The following TMCC1 variants were observed in gnomAD, a reference collection of about 807,000 sequenced individuals.
TMCC1 encodes transmembrane and coiled-coil domains protein 1.
In TMCC1, 15 loss-of-function variants were observed where a neutral mutation model predicts 52.4. The ratio of observed to expected loss-of-function variants is 0.29; its 90% CI spans 0.19 to 0.44. The LOEUF (loss-of-function observed/expected upper bound fraction) is 0.44. TMCC1 is among the 20% of genes least tolerant of loss of function. The pLI is 1.00. For missense variants in TMCC1, 503 were observed against 806.0 expected (o/e 0.62, Z 4.55); for synonymous variants, 279 against 301.9 (o/e 0.92, Z 0.79).
At chr3:129,892,142 C>T (rs2061996218) in intron 1 of TMCC1, among the ~76,000 whole-genome samples, 1 of 152,150 alleles carries the variant, frequency 6.6e-6, no homozygotes, top group Non-Finnish European at 1.5e-5. Context: ...ATAATTATAA[C>T]AGTTCTACAT....
intron 4 of TMCC1, among the ~76,000 whole-genome samples, chr3:129,755,585 G>C (rs1045985907): frequency 2.0e-5 from 3 of 152,090 alleles, no homozygotes; most frequent in African/African-American, 7.2e-5. Context: ...ATGGGCAAAA[G>C]ATCTGAAGAC....
chr3:129,870,362 G>A (rs1177336871), intron 2 of TMCC1, among the ~76,000 whole-genome samples: 1 of 151,962 alleles, frequency 6.6e-6, no homozygotes, highest in African/African-American at 2.4e-5. Context: ...TACAACTTCT[G>A]AATATATTTG....
chr3:129,706,656 C>G (rs1465134895), intron 4 of TMCC1, among the ~76,000 whole-genome samples: 1 of 152,174 alleles, frequency 6.6e-6, no homozygotes, highest in Non-Finnish European at 1.5e-5. Flanking sequence ...CAGGAAACTC[C>G]TAAACTTTTA....
At chr3:129,731,233 T>C (rs546230015) in intron 4 of TMCC1, among the ~76,000 whole-genome samples, 1 of 152,284 alleles carries the variant, frequency 6.6e-6, no homozygotes, top group East Asian at 1.9e-4. Context: ...TGATATCAAT[T>C]TATACAGGAA....
At chr3:129,700,313 A>G (rs1200432351) in intron 4 of TMCC1, among the ~76,000 whole-genome samples, 1 of 152,212 alleles carries the variant, frequency 6.6e-6, no homozygotes, top group African/African-American at 2.4e-5. Flanking sequence ...AAAAAAACCT[A>G]TTAAGTTCAA....
chr3:129,755,794 G>T (rs1007583720), intron 4 of TMCC1, among the ~76,000 whole-genome samples: 1 of 152,168 alleles, frequency 6.6e-6, no homozygotes, highest in Non-Finnish European at 1.5e-5. Flanking sequence ...ATACAAAATG[G>T]CACATTCAGT....
intron 3 of TMCC1, among the ~76,000 whole-genome samples, chr3:129,831,230 G>A (rs1223120430): frequency 2.6e-5 from 4 of 152,020 alleles, no homozygotes; most frequent in Non-Finnish European, 4.4e-5. Context: ...CACTGCACCC[G>A]GCCAAATCAT....
rs1405203677 is a variant in TMCC1 at position 129,649,870 on chromosome 3, TG to T, written c.*1610del. On this transcript the variant is annotated 3_prime_UTR_variant, in exon 7 of 7. Transcript: ENST00000393238. Reference sequence around the variant, plus strand: ...AAATGTTCAAGTTCCACCAGGATGATGGAACTGGTTATGCGACGGGGGAAGG... The same window carrying T: ...AAATGTTCAAGTTCCACCAGGATGATGAACTGGTTATGCGACGGGGGAAGG... 3.3e-5 allele frequency: 5 copies of T among 152,526 alleles called. No homozygotes were observed. Among genetic ancestry groups the T allele is most frequent in the Admixed American group, 2.0e-4 (3 of 15,284 alleles). 9.4% of individuals were successfully genotyped at this position (152,526 alleles called of 1,614,324 possible).
chr3:129,861,426 A>G (rs1474103022), intron 2 of TMCC1, among the ~76,000 whole-genome samples: 1 of 152,132 alleles, frequency 6.6e-6, no homozygotes, highest in Admixed American at 6.5e-5. Flanking sequence ...GCGACAGAGC[A>G]AGACTCCATC....
intron 4 of TMCC1, among the ~76,000 whole-genome samples, chr3:129,827,039 C>T (rs1381759969): frequency 6.6e-6 from 1 of 152,194 alleles, no homozygotes; most frequent in Admixed American, 6.5e-5. Context: ...TTTCAACCAT[C>T]AGCTAAAGCT....
At chr3:129,817,294 T>G (rs1042401073) in intron 4 of TMCC1, among the ~76,000 whole-genome samples, 13 of 151,730 alleles carry the variant, frequency 8.6e-5, no homozygotes, top group African/African-American at 2.9e-4. Flanking sequence ...TTTTCACCCA[T>G]AAGAGTCGGC....
At chr3:129,690,756 C>T (rs560477384) in intron 4 of TMCC1, among the ~76,000 whole-genome samples, 2 of 152,274 alleles carry the variant, frequency 1.3e-5, no homozygotes, top group Admixed American at 1.3e-4. Flanking sequence ...GACAGCTGCC[C>T]TGGAGAGTTG....
At chr3:129,851,890 C>T (rs2059930951) in intron 2 of TMCC1, among the ~76,000 whole-genome samples, 1 of 152,252 alleles carries the variant, frequency 6.6e-6, no homozygotes, top group East Asian at 1.9e-4. Flanking sequence ...TGGCTCACGC[C>T]CATAATCCCA....
intron 4 of TMCC1, among the ~76,000 whole-genome samples, chr3:129,682,164 AGGCTCAAGTGCAGT>A (rs2108923076): frequency 1.3e-5 from 2 of 152,190 alleles, no homozygotes; most frequent in African/African-American, 4.8e-5. Context: ...TATGTTGCCA[AGGCTCAAGTGCAGT>A]GGCTATTCAT....
At chr3:129,779,423 T>C (rs974788263) in intron 4 of TMCC1, among the ~76,000 whole-genome samples, 1 of 152,216 alleles carries the variant, frequency 6.6e-6, no homozygotes, top group African/African-American at 2.4e-5. Context: ...TCTCATCATC[T>C]GTATTTACTA....
chr3:129,845,190 T>TCACA (rs67832332), intron 2 of TMCC1, among the ~76,000 whole-genome samples: 7 of 149,090 alleles, frequency 4.7e-5, no homozygotes, highest in African/African-American at 1.5e-4. Context: ...CCTGTCACAC[T>TCACA]CACACACACA....
intron 4 of TMCC1, among the ~76,000 whole-genome samples, chr3:129,791,907 T>C (rs187445214): frequency 4.3e-4 from 66 of 152,314 alleles, no homozygotes; most frequent in African/African-American, 1.6e-3. Flanking sequence ...CCAGTGTAAG[T>C]AAGCATGACT....
intron 4 of TMCC1, among the ~76,000 whole-genome samples, chr3:129,758,656 T>C (rs577490414): frequency 4.5e-4 from 68 of 152,328 alleles, no homozygotes; most frequent in African/African-American, 1.6e-3. Flanking sequence ...TGAACAGATT[T>C]GTATGGGTTT....
chr3:129,772,069 A>G (rs550877756), intron 4 of TMCC1, among the ~76,000 whole-genome samples: 1 of 152,296 alleles, frequency 6.6e-6, no homozygotes, highest in South Asian at 2.1e-4. Flanking sequence ...ACTAAAATAA[A>G]AAACTTTGGC....
Sources: allele counts gnomAD v4.1 joint callset (sites outside exome capture counted in the v4.1 genomes callset), GRCh38; gene constraint gnomAD v4.1.1; transcripts MANE v1.5; gene names NCBI Gene and HGNC (gene_info 2026-07-23, HGNC 2026-07-21).